The following MPV17L variants were observed in gnomAD, a reference collection of about 807,000 sequenced individuals.
The protein encoded by MPV17L is MPV17 mitochondrial inner membrane protein like.
Under a neutral mutation model 25.8 loss-of-function variants are expected in MPV17L, and 24 were observed. The observed-to-expected ratio is 0.93, with a 90% CI of 0.67 to 1.31. The LOEUF (loss-of-function observed/expected upper bound fraction) is 1.31, where lower values mean the gene tolerates loss of function less well. Among genes scored for constraint, MPV17L ranks in the 50% most tolerant of loss-of-function variants. The probability of loss-of-function intolerance (pLI) is 0.00; values close to 1 mark genes in which losing one functional copy is unlikely to be tolerated. For missense variants in MPV17L, 250 were observed against 265.6 expected (o/e 0.94, Z 0.41); for synonymous variants, 102 against 115.3 (o/e 0.88, Z 0.74).
At chr16:15,402,020 A>C (rs2050643383) in intron 2 of MPV17L, among the ~76,000 whole-genome samples, 1 of 152,180 alleles carries the variant, frequency 6.6e-6, no homozygotes, top group African/African-American at 2.4e-5. Flanking sequence ...TGAGTGGCTT[A>C]ATGGAATCAT....
intron 1 of MPV17L, chr16:15,399,548 G>A (rs948004638): frequency 1.3e-5 from 5 of 370,620 alleles, no homozygotes; most frequent in African/African-American, 1.1e-4. Flanking sequence ...TGGGACTACA[G>A]GCACGCACCC....
chr16:15,406,617 G>T (rs1429330615), intron 2 of MPV17L, among the ~76,000 whole-genome samples: 1 of 152,012 alleles, frequency 6.6e-6, no homozygotes, highest in East Asian at 1.9e-4. Flanking sequence ...ATAAACAATG[G>T]TTTGGTATAT....
At position 15,396,733 on chromosome 16, in the gene MPV17L, A is replaced by G. The variant is rs575605481; in HGVS notation, c.310+526A>G. 3.9e-5 allele frequency among the ~76,000 whole-genome samples: 6 copies of G among 152,258 alleles called. No individual in the cohort carries two copies. In the South Asian group the frequency reaches 8.3e-4, roughly 21 times the overall value. On this transcript the variant is annotated intron_variant, in intron 1 of 3. Coordinates refer to ENST00000396385, the MANE Select transcript of MPV17L (RefSeq NM_001128423.2). ...AAATGCAAGGGGATCAGTGACCCTGAGGGGCAGAGCAGGTGGAATCTGAGG... is the reference window on the plus strand; with the variant it reads ...AAATGCAAGGGGATCAGTGACCCTGGGGGGCAGAGCAGGTGGAATCTGAGG...
chr16:15,399,589 T>C (rs2050616594), intron 1 of MPV17L: 1 of 318,006 alleles, frequency 3.1e-6, no homozygotes, highest in African/African-American at 2.2e-5. Flanking sequence ...AATAGTTTTG[T>C]AGAGACAAGG....
Position 15,396,218 on chromosome 16 carries a change from G to T in MPV17L, c.310+11G>T. ...CGGCCTTCTATGTCGGTGAGGGGCC[G>T]GGAGGGGACCTGGGGGGTGGGACCC... On this transcript the variant is annotated intron_variant, in intron 1 of 3. Coordinates refer to ENST00000396385, the MANE Select transcript of MPV17L (RefSeq NM_001128423.2). The T allele has an allele frequency of 6.5e-7, 1 of 1,547,566 alleles. No individual in the cohort carries two copies. Among genetic ancestry groups the T allele is most frequent in the African/African-American group, 1.4e-5 (1 of 73,174 alleles).
At chr16:15,398,095 T>G (rs1368903845) in intron 1 of MPV17L, among the ~76,000 whole-genome samples, 3 of 151,786 alleles carry the variant, frequency 2.0e-5, no homozygotes, top group African/African-American at 7.3e-5. Flanking sequence ...CAGCCTGGAG[T>G]GTGCAGTGGC....
intron 2 of MPV17L, 68 bp from the exon 3 acceptor site, chr16:15,407,756 A>G: frequency 1.4e-6 from 2 of 1,463,274 alleles, no homozygotes; most frequent in Non-Finnish European, 1.9e-6. Context: ...AATAAAAAAC[A>G]AAATAAATAA....
chr16:15,403,387 A>G (rs1249165340), intron 2 of MPV17L, among the ~76,000 whole-genome samples: 1 of 150,576 alleles, frequency 6.6e-6, no homozygotes, highest in African/African-American at 2.4e-5. Context: ...AAAAAAAAAA[A>G]AGAGCAAGAA....
At position 15,409,677 on chromosome 16, in the gene MPV17L, T is replaced by C. The variant is rs998102277; in HGVS notation, c.*1565T>C. 6.6e-6 allele frequency: 1 copy of C among 152,206 alleles called. No individual in the cohort carries two copies. The highest frequency in any genetic ancestry group is 2.4e-5 in the African/African-American group (1 of 41,462). 9.4% of individuals were successfully genotyped at this position (152,206 alleles called of 1,614,324 possible). A position where few individuals can be genotyped will look rare whatever the true frequency, so the allele number is the denominator to read the frequency against. ...CACTCAGGTGAAATAAACAGCCATGTTGCTCATACAAAGCCTGTTTGGTGG... is the reference window on the plus strand; with the variant it reads ...CACTCAGGTGAAATAAACAGCCATGCTGCTCATACAAAGCCTGTTTGGTGG... On this transcript the variant is annotated 3_prime_UTR_variant, in exon 4 of 4. Coordinates refer to ENST00000396385, the MANE Select transcript of MPV17L (RefSeq NM_001128423.2).
rs2050707277 is a variant in MPV17L, at chr16:15,408,884, A to C, written c.*772A>C. On this transcript the variant is annotated 3_prime_UTR_variant, in exon 4 of 4. Coordinates refer to ENST00000396385, the MANE Select transcript of MPV17L (RefSeq NM_001128423.2). ...ACTGCAAGCTCCGCCTCCCGGGTTCACGCCATTCTGCGTCAGCCTCCCAAG... is the reference window on the plus strand; with the variant it reads ...ACTGCAAGCTCCGCCTCCCGGGTTCCCGCCATTCTGCGTCAGCCTCCCAAG... 1 of 151,776 alleles carries C rather than the reference A, an allele frequency of 6.6e-6. No homozygotes were observed. Among genetic ancestry groups the C allele is most frequent in the Non-Finnish European group, 1.5e-5 (1 of 68,008 alleles). The allele number at this position is 151,776 out of a possible 1,614,324, so 9.4% of individuals were successfully genotyped here. A position where few individuals can be genotyped will look rare whatever the true frequency, so the allele number is the denominator to read the frequency against.
rs1415404571 is a variant in MPV17L, at chr16:15,408,698, G to C, written c.*586G>C. The C allele has an allele frequency of 6.6e-6, 1 of 150,914 alleles. No homozygotes were observed. Among genetic ancestry groups the C allele is most frequent in the Non-Finnish European group, 1.5e-5 (1 of 67,952 alleles). 9.3% of individuals were successfully genotyped at this position (150,914 alleles called of 1,614,324 possible). On this transcript the variant is annotated 3_prime_UTR_variant, in exon 4 of 4. Transcript: ENST00000396385. ...GCTCACTGCAGCCTCCATCCTCTGG[G>C]TTCAAGCAATTCTCCTGCCTCAGGC...
Position 15,396,167 on chromosome 16 carries a change from G to A in MPV17L, c.270G>A (p.Gln90=), listed in dbSNP as rs1034159407. ...TGCTGGCCAAGTTGCTGTGCGACCA[G>A]GTGGTCGGTGCGCCCATCGCGGTCT... ...HALLAKLLCD[Q]VVGAPIAVSA... The change falls in exon 1 of 4, where the codon CAG becomes CAA. Residue 90 remains glutamine, a synonymous_variant. Coordinates refer to ENST00000396385, the MANE Select transcript of MPV17L (RefSeq NM_001128423.2). The A allele has an allele frequency of 1.1e-5, 17 of 1,550,344 alleles. No homozygotes were observed. The highest frequency in any genetic ancestry group is 4.1e-5 in the African/African-American group (3 of 73,198).
At chr16:15,396,244 A>T in intron 1 of MPV17L, 37 bp downstream of exon 1, 3 of 1,540,556 alleles carry the variant, frequency 1.9e-6, no homozygotes, top group Non-Finnish European at 2.6e-6. Flanking sequence ...GGTGGGACCC[A>T]GTATTGGGGG....
chr16:15,406,655 G>A (rs2050682729), intron 2 of MPV17L, among the ~76,000 whole-genome samples: 1 of 152,178 alleles, frequency 6.6e-6, no homozygotes, highest in African/African-American at 2.4e-5. Flanking sequence ...GCTGGGCACA[G>A]TGGCTCATGC....
intron 1 of MPV17L, among the ~76,000 whole-genome samples, chr16:15,397,257 A>G (rs984991118): frequency 6.6e-6 from 1 of 152,150 alleles, no homozygotes; most frequent in Non-Finnish European, 1.5e-5. Context: ...CATAGGTTGC[A>G]TAGGTTATAG....
intron 2 of MPV17L, among the ~76,000 whole-genome samples, chr16:15,405,962 G>A (rs1480367239): frequency 1.3e-5 from 2 of 151,874 alleles, no homozygotes; most frequent in Non-Finnish European, 2.9e-5. Flanking sequence ...GCCAAGGCGG[G>A]CAGATCACCT....
At chr16:15,403,333 C>T (rs1157924108) in intron 2 of MPV17L, among the ~76,000 whole-genome samples, 6 of 143,108 alleles carry the variant, frequency 4.2e-5, no homozygotes, top group African/African-American at 1.6e-4. Flanking sequence ...TGCGCCACTG[C>T]ACTCCAGCCT....
Position 15,409,623 on chromosome 16 carries a change from T to G in MPV17L, c.*1511T>G, listed in dbSNP as rs1048558175. ...CTAATGATAATCCACCACCCTTTGC[T>G]GACTCCTTTTTTGGACTCAGCCCGC... On this transcript the variant is annotated 3_prime_UTR_variant, in exon 4 of 4. Coordinates refer to ENST00000396385, the MANE Select transcript of MPV17L (RefSeq NM_001128423.2). 6.6e-6 allele frequency: 1 copy of G among 151,718 alleles called. No individual in the cohort carries two copies. The highest frequency in any genetic ancestry group is 1.9e-4 in the East Asian group (1 of 5,166). The allele number at this position is 151,718 out of a possible 1,614,324, so 9.4% of individuals were successfully genotyped here. A position where few individuals can be genotyped will look rare whatever the true frequency, so the allele number is the denominator to read the frequency against.
intron 1 of MPV17L, among the ~76,000 whole-genome samples, chr16:15,399,877 T>C (rs1346433730): frequency 1.3e-5 from 2 of 152,070 alleles, no homozygotes; most frequent in East Asian, 3.9e-4. Flanking sequence ...CAATCTTGGC[T>C]CACCGCAACC....
Sources: gnomAD v4.1 joint callset for allele counts (sites outside exome capture counted in the v4.1 genomes callset) on GRCh38, gnomAD v4.1.1 for gene constraint, MANE v1.5 for transcripts, NCBI Gene and HGNC (gene_info 2026-07-23, HGNC 2026-07-21) for gene names.